GATAD2A: variants seen among roughly 807,000 people sequenced by gnomAD.
The protein encoded by GATAD2A is transcriptional repressor p66-alpha.
In GATAD2A, 12 loss-of-function variants were observed where a neutral mutation model predicts 68.5. That is an observed-to-expected ratio of 0.18 (90% CI 0.11 to 0.28). The LOEUF (loss-of-function observed/expected upper bound fraction) is 0.28. Ranked by LOEUF, GATAD2A falls within the 10% of genes least tolerant of loss-of-function variation. GATAD2A has a pLI of 1.00. For synonymous variants in GATAD2A, 410 were observed against 375.3 expected, an observed-to-expected ratio of 1.09 and a Z score of -1.07; for missense variants, 755 against 868.5, an observed-to-expected ratio of 0.87 and a Z score of 1.64.
intron 4 of GATAD2A, 132 bp downstream of exon 4, chr19:19,492,844 G>T (rs554539384): frequency 1.6e-5 from 12 of 771,620 alleles, no homozygotes; most frequent in Non-Finnish European, 2.3e-5. Flanking sequence ...TCCCACTCCC[G>T]CATTTGTGGA....
At chr19:19,465,085 G>A (rs964840450) in intron 1 of GATAD2A, 1 of 566,102 alleles carries the variant, frequency 1.8e-6, no homozygotes, top group Non-Finnish European at 3.2e-6. Context: ...CCCCCAACAG[G>A]GCAGGGTGTA....
At chr19:19,501,655 A>G (rs1392090829) in intron 9 of GATAD2A, among the ~76,000 whole-genome samples, 1 of 152,258 alleles carries the variant, frequency 6.6e-6, no homozygotes, top group Non-Finnish European at 1.5e-5. Context: ...AGCCACGTTG[A>G]GATACCAAAG....
chr19:19,444,872 T>TAA (rs10641522), intron 1 of GATAD2A, among the ~76,000 whole-genome samples: 22,897 of 123,084 alleles, frequency 0.19, 2,262 homozygotes, highest in Middle Eastern at 0.24. Context: ...CCTCGTCCCT[T>TAA]AAAAAAAAAA....
intron 1 of GATAD2A, among the ~76,000 whole-genome samples, chr19:19,390,314 A>G (rs2048755941): frequency 1.3e-5 from 2 of 152,018 alleles, no homozygotes; most frequent in South Asian, 2.1e-4. Context: ...TGAATCCGAG[A>G]TGATGAACTG....
At chr19:19,462,859 C>T (rs192390326) in intron 1 of GATAD2A, among the ~76,000 whole-genome samples, 33 of 152,264 alleles carry the variant, frequency 2.2e-4, no homozygotes, top group Admixed American at 6.5e-4. Context: ...CATTCAGGGT[C>T]TTGGGTTCAA....
chr19:19,465,760 C>T, intron 2 of GATAD2A, 146 bp downstream of exon 2: 1 of 954,832 alleles, frequency 1.0e-6, no homozygotes, highest in Non-Finnish European at 1.5e-6. Context: ...GCATCACCCA[C>T]CACTGGCAGC....
chr19:19,503,644 CTGTGTGTGTG>C (rs58706182), intron 11 of GATAD2A, among the ~76,000 whole-genome samples: 3 of 148,604 alleles, frequency 2.0e-5, no homozygotes, highest in Non-Finnish European at 3.0e-5. Flanking sequence ...CATCTGGAAG[CTGTGTGTGTG>C]TGTGTGTGTG....
At chr19:19,492,537 A>G (rs759207086) in intron 3 of GATAD2A, 44 bp from the exon 4 acceptor site, 1 of 1,612,590 alleles carries the variant, frequency 6.2e-7, no homozygotes, top group Non-Finnish European at 8.5e-7. Flanking sequence ...TCTGCTCCTC[A>G]CCAAGGACGC....
At chr19:19,433,337 A>T (rs1466586184) in intron 1 of GATAD2A, among the ~76,000 whole-genome samples, 1 of 152,114 alleles carries the variant, frequency 6.6e-6, no homozygotes, top group Non-Finnish European at 1.5e-5. Flanking sequence ...GTCTTGATGT[A>T]GCTTTATGTT....
In GATAD2A at chr19:19,460,899, C is replaced by G. The variant is rs376301895; in HGVS notation, c.-6-4441C>G. Among the ~76,000 whole-genome samples, 45 of 152,334 alleles carry G rather than the reference C, an allele frequency of 3.0e-4. 1 individual carries two copies. In the South Asian group the frequency reaches 8.1e-3, roughly 27 times the overall value. ...ACATGTCTCCGCTCAGGCCCTGTCTCCTTCAGGGCTGGCTTCCGGTGCCGC... is the reference window on the plus strand; with the variant it reads ...ACATGTCTCCGCTCAGGCCCTGTCTGCTTCAGGGCTGGCTTCCGGTGCCGC... On this transcript the variant is annotated intron_variant, in intron 1 of 11. Coordinates refer to ENST00000683918, the MANE Select transcript of GATAD2A (RefSeq NM_001384528.1).
chr19:19,386,374 TAGGGGCCTCCCTCCTCTCC>T (rs1414016894), intron 1 of GATAD2A, among the ~76,000 whole-genome samples: 1 of 150,640 alleles, frequency 6.6e-6, no homozygotes, highest in Non-Finnish European at 1.5e-5. Flanking sequence ...CCCGCCTCTC[TAGGGGCCTCCCTCCTCTCC>T]AGGAGACCCT....
At chr19:19,484,626 G>A (rs1270983665) in intron 2 of GATAD2A, among the ~76,000 whole-genome samples, 4 of 140,842 alleles carry the variant, frequency 2.8e-5, no homozygotes, top group Admixed American at 1.5e-4. Context: ...TCTGCCCCCC[G>A]GGGTTCATGC....
intron 8 of GATAD2A, among the ~76,000 whole-genome samples, chr19:19,499,974 T>C (rs576976268): frequency 6.6e-6 from 1 of 152,328 alleles, no homozygotes; most frequent in South Asian, 2.1e-4. Context: ...AAGAGCCACC[T>C]GGGGCTGCTG....
intron 1 of GATAD2A, among the ~76,000 whole-genome samples, chr19:19,387,560 C>G (rs1326697367): frequency 6.6e-6 from 1 of 152,102 alleles, no homozygotes; most frequent in East Asian, 1.9e-4. Flanking sequence ...CTCAGGTGAT[C>G]CACCCGCCTC....
chr19:19,483,182 G>A (rs2059177133), intron 2 of GATAD2A, among the ~76,000 whole-genome samples: 1 of 152,224 alleles, frequency 6.6e-6, no homozygotes, highest in South Asian at 2.1e-4. Context: ...ACTGGGGAAA[G>A]GAGAGCAGGC....
chr19:19,411,889 A>G (rs1335118392), intron 1 of GATAD2A, among the ~76,000 whole-genome samples: 4 of 152,272 alleles, frequency 2.6e-5, no homozygotes, highest in South Asian at 4.1e-4. Flanking sequence ...CAGATTGAGG[A>G]GCTTGGTTTT....
At chr19:19,457,035 G>A in intron 1 of GATAD2A, 1 of 921,110 alleles carries the variant, frequency 1.1e-6, no homozygotes, top group African/African-American at 1.8e-5. Context: ...AAACCCTGAG[G>A]ATCCCAGAGC....
rs568864004 is a variant in GATAD2A, at chr19:19,476,220, T to C, written c.269+10606T>C. Among the ~76,000 whole-genome samples, 3 of 152,382 alleles carry C rather than the reference T, an allele frequency of 2.0e-5. No homozygotes were observed. The East Asian group carries it at 5.8e-4, about 29-fold the overall frequency. ...ATCGAGGTAATCACCAGTAAATGTT[T>C]GGCCTTCTCTGTCTGAACTCTTCTC... On this transcript the variant is annotated intron_variant, in intron 2 of 11. Transcript: ENST00000683918.
Position 19,505,895 on chromosome 19 carries a change from T to C in GATAD2A, c.*421T>C, listed in dbSNP as rs1024521301. 8 of 398,184 alleles carry C rather than the reference T, an allele frequency of 2.0e-5. No individual in the cohort carries two copies. Among genetic ancestry groups the C allele is most frequent in the Non-Finnish European group, 3.5e-5 (8 of 226,206 alleles). The allele number at this position is 398,184 out of a possible 1,614,324, so 24.7% of individuals were successfully genotyped here. On this transcript the variant is annotated 3_prime_UTR_variant, in exon 12 of 12. Transcript: ENST00000683918. ...CCCGGGGCTTCTGAACCGAGCGGGGTGTTTCATTTTTTTGCTTTTCCCTGT... is the reference window on the plus strand; with the variant it reads ...CCCGGGGCTTCTGAACCGAGCGGGGCGTTTCATTTTTTTGCTTTTCCCTGT...
Sources: gnomAD v4.1 joint callset for allele counts (sites outside exome capture counted in the v4.1 genomes callset) on GRCh38, gnomAD v4.1.1 for gene constraint, MANE v1.5 for transcripts, NCBI Gene and HGNC (gene_info 2026-07-23, HGNC 2026-07-21) for gene names.